The following KAT6B variants were observed in gnomAD, a reference collection of about 807,000 sequenced individuals.
KAT6B encodes the protein lysine acetyltransferase 6B, also known as histone acetyltransferase KAT6B.
KAT6B carries 10 observed loss-of-function variants against 187.5 expected under a neutral mutation model. The observed-to-expected ratio is 0.05, with a 90% CI of 0.03 to 0.09. The LOEUF (loss-of-function observed/expected upper bound fraction) is 0.09. Among genes scored for constraint, KAT6B ranks in the 10% least tolerant of loss-of-function variants. The pLI, the probability that KAT6B is intolerant of heterozygous loss-of-function variation, is 1.00. For synonymous variants in KAT6B, 861 were observed against 926.8 expected, an observed-to-expected ratio of 0.93 and a Z score of 1.29; for missense variants, 1,952 against 2,558.9, an observed-to-expected ratio of 0.76 and a Z score of 5.12.
At chr10:75,018,497 T>G (rs1845154757) in intron 13 of KAT6B, among the ~76,000 whole-genome samples, 1 of 152,206 alleles carries the variant, frequency 6.6e-6, no homozygotes, top group Non-Finnish European at 1.5e-5. Context: ...ACAGGGTGTG[T>G]GTGCACCACT....
rs536913302 is a variant in KAT6B at position 74,964,691 on chromosome 10, C to T, written c.730+4613C>T. 3.9e-5 allele frequency among the ~76,000 whole-genome samples: 6 copies of T among 152,264 alleles called. No individual in the cohort carries two copies. The South Asian group carries it at 1.2e-3, about 32-fold the overall frequency. On this transcript the variant is annotated intron_variant, in intron 4 of 17. Coordinates refer to ENST00000287239, the MANE Select transcript of KAT6B (RefSeq NM_012330.4). ...CTTGCACTGCTTCCTCCACCCAAAACAACAGCCACAACAATAACAACAGAA... is the reference window on the plus strand; with the variant it reads ...CTTGCACTGCTTCCTCCACCCAAAATAACAGCCACAACAATAACAACAGAA...
At chr10:74,951,735 AGGTTTCAGATTAGACAAT>A (rs1362537028) in intron 3 of KAT6B, among the ~76,000 whole-genome samples, 1 of 152,236 alleles carries the variant, frequency 6.6e-6, no homozygotes, top group East Asian at 1.9e-4. Context: ...AGAGTAAAAA[AGGTTTCAGATTAGACAAT>A]GGTGGAACCC....
intron 3 of KAT6B, among the ~76,000 whole-genome samples, chr10:74,871,377 G>C (rs1157021004): frequency 6.6e-6 from 1 of 151,570 alleles, no homozygotes; most frequent in East Asian, 1.9e-4. Flanking sequence ...ATTTTTAGTA[G>C]AGATGGGGTT....
chr10:74,967,150 C>A (rs1841534270), intron 4 of KAT6B, among the ~76,000 whole-genome samples: 1 of 152,056 alleles, frequency 6.6e-6, no homozygotes, highest in Non-Finnish European at 1.5e-5. Flanking sequence ...CACAGTGAAA[C>A]CCTGTCTGTA....
At chr10:74,923,357 C>G (rs978295748) in intron 3 of KAT6B, among the ~76,000 whole-genome samples, 4 of 152,188 alleles carry the variant, frequency 2.6e-5, no homozygotes, top group African/African-American at 9.7e-5. Context: ...GGGAGCAAAA[C>G]AGACAAGTCT....
chr10:74,862,706 A>G (rs962750527), intron 3 of KAT6B, among the ~76,000 whole-genome samples: 1 of 152,186 alleles, frequency 6.6e-6, no homozygotes, highest in African/African-American at 2.4e-5. Flanking sequence ...CTGGAGCTAG[A>G]ATGCTTAGGT....
In KAT6B at chr10:75,027,891, G is replaced by T. The variant is rs539461047; in HGVS notation, c.3665-598G>T. Among the ~76,000 whole-genome samples the T allele has an allele frequency of 9.9e-5, 15 of 152,236 alleles. No individual in the cohort carries two copies. In the South Asian group the frequency reaches 2.9e-3, roughly 29 times the overall value. ...CAAAAATGATGATCCTAAAAATGAT[G>T]ATTACAAATGCATTTGTTTTGGGTA... On this transcript the variant is annotated intron_variant, in intron 17 of 17. Coordinates refer to ENST00000287239, the MANE Select transcript of KAT6B (RefSeq NM_012330.4).
chr10:74,975,969 T>C lies in KAT6B; in HGVS notation c.1632T>C (p.Phe544=). The change falls in exon 8 of 18, where the codon TTT becomes TTC. Residue 544 remains phenylalanine (F), a synonymous_variant. Coordinates refer to ENST00000287239, the MANE Select transcript of KAT6B (RefSeq NM_012330.4). ...LTTNSQLKAL[F]DGLSHIYTTQ... ...CTAACAGCCAGCTGAAGGCACTCTT[T>C]GATGGGCTTTCTCATATCTATACCA... The C allele has an allele frequency of 6.2e-7, 1 of 1,614,184 alleles. No homozygotes were observed. The highest frequency in any genetic ancestry group is 8.5e-7 in the Non-Finnish European group (1 of 1,180,038).
chr10:74,937,778 T>C (rs1564574907), intron 3 of KAT6B, among the ~76,000 whole-genome samples: 1 of 152,228 alleles, frequency 6.6e-6, no homozygotes, highest in Non-Finnish European at 1.5e-5. Flanking sequence ...TGCTCTTAAA[T>C]GTTTGCTTTT....
rs1404119097 is a variant in KAT6B, at chr10:74,976,055, G to A, written c.1718G>A (p.Arg573His). ...PSYAPPKRMR[R>H]KTELSSTAKS... ...TATGCACCACCCAAACGTATGCGTCGTAAAACTGAATTATCTTCCACGGCA... is the reference window on the plus strand; with the variant it reads ...TATGCACCACCCAAACGTATGCGTCATAAAACTGAATTATCTTCCACGGCA... The change falls in exon 8 of 18, where the codon CGT becomes CAT. Residue 573 changes from arginine to histidine, a missense_variant. By Grantham distance (29) the Arg-to-His change is conservative. Transcript: ENST00000287239. 7.4e-6 allele frequency: 12 copies of A among 1,614,022 alleles called. No individual in the cohort carries two copies. Among genetic ancestry groups the A allele is most frequent in the African/African-American group, 2.7e-5 (2 of 74,874 alleles).
At chr10:75,006,929 G>A (rs975224431) in intron 13 of KAT6B, among the ~76,000 whole-genome samples, 7 of 151,900 alleles carry the variant, frequency 4.6e-5, no homozygotes. Context: ...TTATCCGGGT[G>A]TTGCGGCATG....
chr10:74,851,703 G>A (rs1031124935), intron 3 of KAT6B, among the ~76,000 whole-genome samples: 2 of 152,140 alleles, frequency 1.3e-5, no homozygotes, highest in Admixed American at 6.6e-5. Flanking sequence ...CCCTTGTTAT[G>A]TGTGGTCTTG....
chr10:75,032,278 T>G lies in KAT6B; in HGVS notation c.*1232T>G, dbSNP rs898287343. On this transcript the variant is annotated 3_prime_UTR_variant, in exon 18 of 18. Transcript: ENST00000287239. Reference sequence around the variant, plus strand: ...GTACATTTTAACATAAAATAAATTATGATGAGCCATTTTTAGCCTCTTGTG... The same window carrying G: ...GTACATTTTAACATAAAATAAATTAGGATGAGCCATTTTTAGCCTCTTGTG... The G allele has an allele frequency of 5.2e-6, 1 of 193,182 alleles. No homozygotes were observed. The highest frequency in any genetic ancestry group is 2.3e-5 in the African/African-American group (1 of 43,054). The allele number at this position is 193,182 out of a possible 1,614,324, so 12.0% of individuals were successfully genotyped here. A position where few individuals can be genotyped will look rare whatever the true frequency, so the allele number is the denominator to read the frequency against.
chr10:74,898,465 T>A (rs1846139229), intron 3 of KAT6B, among the ~76,000 whole-genome samples: 1 of 152,078 alleles, frequency 6.6e-6, no homozygotes, highest in Non-Finnish European at 1.5e-5. Flanking sequence ...TTTTTTTTTT[T>A]AAGGGAATAG....
intron 7 of KAT6B, among the ~76,000 whole-genome samples, chr10:74,973,026 T>C (rs1841945506): frequency 6.6e-6 from 1 of 152,212 alleles, no homozygotes; most frequent in Non-Finnish European, 1.5e-5. Flanking sequence ...CAAATCTCTT[T>C]TGTCACTCCA....
chr10:74,981,903 G>A lies in KAT6B; in HGVS notation c.2348G>A (p.Arg783Gln), dbSNP rs1405330923. The change falls in exon 11 of 18, where the codon CGA (arginine) becomes CAA (glutamine). Residue 783 changes from arginine to glutamine, a missense_variant. Arg to Gln is a conservative substitution (Grantham distance 43, BLOSUM62 1). Coordinates refer to ENST00000287239, the MANE Select transcript of KAT6B (RefSeq NM_012330.4). ...WFHPPANEIY[R>Q]RKDLSVFEVD... is the part of the protein sequence containing the mutation. ...CATCCTCCAGCAAATGAAATTTACCGAAGGAAAGACCTTTCAGTATTTGAG... is the reference window on the plus strand; with the variant it reads ...CATCCTCCAGCAAATGAAATTTACCAAAGGAAAGACCTTTCAGTATTTGAG... 12 of 1,613,788 alleles carry A rather than the reference G, an allele frequency of 7.4e-6. No homozygotes were observed. Among genetic ancestry groups the A allele is most frequent in the South Asian group, 1.1e-5 (1 of 91,076 alleles).
chr10:75,017,288 A>C (rs919758181), intron 13 of KAT6B, among the ~76,000 whole-genome samples: 2 of 152,234 alleles, frequency 1.3e-5, no homozygotes, highest in Non-Finnish European at 2.9e-5. Flanking sequence ...TGTTCTTACC[A>C]AAAATTTTTC....
rs537234596 is a variant in KAT6B at position 74,864,398 on chromosome 10, G to A, written c.621+20920G>A. 4.6e-5 allele frequency among the ~76,000 whole-genome samples: 7 copies of A among 151,686 alleles called. 1 individual carries two copies. The South Asian group carries it at 1.0e-3, about 23-fold the overall frequency. On this transcript the variant is annotated intron_variant, in intron 3 of 17. Coordinates refer to ENST00000287239, the MANE Select transcript of KAT6B (RefSeq NM_012330.4). Reference sequence around the variant, plus strand: ...TGGGATTACAGGCGTGCTCCACTACGCCCGGCTAATTTTGTGTTTTTTAGT... The same window carrying A: ...TGGGATTACAGGCGTGCTCCACTACACCCGGCTAATTTTGTGTTTTTTAGT...
chr10:74,841,784 G>A (rs1033193911), intron 2 of KAT6B, among the ~76,000 whole-genome samples: 15 of 152,140 alleles, frequency 9.9e-5, no homozygotes, highest in Non-Finnish European at 2.9e-5. Context: ...TAGAGCTCAG[G>A]TTTGGCCCAA....
Sources: gnomAD v4.1 joint callset for allele counts (sites outside exome capture counted in the v4.1 genomes callset) on GRCh38, gnomAD v4.1.1 for gene constraint, MANE v1.5 for transcripts, NCBI Gene and HGNC (gene_info 2026-07-23, HGNC 2026-07-21) for gene names.